The following SLC4A10 variants were observed in gnomAD, a reference collection of about 807,000 sequenced individuals.
SLC4A10 encodes solute carrier family 4 member 10.
Under a neutral mutation model 137.7 loss-of-function variants are expected in SLC4A10, and 42 were observed. That is an observed-to-expected ratio of 0.30 (90% CI 0.24 to 0.39). The LOEUF (loss-of-function observed/expected upper bound fraction) is 0.39, where lower values mean the gene tolerates loss of function less well. SLC4A10 is among the 10% of genes least tolerant of loss of function. The probability of loss-of-function intolerance (pLI) is 1.00; values close to 1 mark genes in which losing one functional copy is unlikely to be tolerated. For missense variants in SLC4A10, 925 were observed against 1,355.0 expected (o/e 0.68, Z 4.98); for synonymous variants, 474 against 464.1 (o/e 1.02, Z -0.27).
chr2:161,804,747 G>A, intron 3 of SLC4A10, among the ~76,000 whole-genome samples, 152 bp downstream of exon 3: 1 of 152,104 alleles, frequency 6.6e-6, no homozygotes, highest in East Asian at 1.9e-4. Context: ...GAGAGATAAA[G>A]CTTGATCTTT....
intron 16 of SLC4A10, among the ~76,000 whole-genome samples, chr2:161,944,367 A>G (rs528543047): frequency 6.6e-6 from 1 of 151,916 alleles, no homozygotes; most frequent in East Asian, 1.9e-4. Context: ...ATAACATGAT[A>G]ATTTACTCTA....
At chr2:161,915,246 C>G (rs749081533) in intron 15 of SLC4A10, among the ~76,000 whole-genome samples, 2 of 152,046 alleles carry the variant, frequency 1.3e-5, no homozygotes, top group Non-Finnish European at 2.9e-5. Flanking sequence ...GCAACCTGCC[C>G]TTCCTGTCCC....
intron 1 of SLC4A10, among the ~76,000 whole-genome samples, chr2:161,688,614 T>G (rs2124897374): frequency 6.6e-6 from 1 of 152,322 alleles, no homozygotes; most frequent in East Asian, 1.9e-4. Context: ...CTAAAGAATA[T>G]TATTTTTATT....
At chr2:161,741,012 GCTCACA>G (rs1368536536) in intron 1 of SLC4A10, among the ~76,000 whole-genome samples, 1 of 151,970 alleles carries the variant, frequency 6.6e-6, no homozygotes, top group Non-Finnish European at 1.5e-5. Flanking sequence ...AGGTACAATG[GCTCACA>G]CCTGTAATCC....
At chr2:161,787,739 T>G (rs2053784761) in intron 2 of SLC4A10, among the ~76,000 whole-genome samples, 1 of 152,202 alleles carries the variant, frequency 6.6e-6, no homozygotes, top group South Asian at 2.1e-4. Flanking sequence ...ACATTGAAAT[T>G]ACTTTTGTGA....
At chr2:161,680,670 A>G (rs959690983) in intron 1 of SLC4A10, among the ~76,000 whole-genome samples, 7 of 152,076 alleles carry the variant, frequency 4.6e-5, no homozygotes, top group Non-Finnish European at 1.0e-4. Flanking sequence ...ATATTATTTG[A>G]TTTATTATTT....
At position 161,657,816 on chromosome 2, in the gene SLC4A10, C is replaced by CGGGA. The variant is rs561517772; in HGVS notation, c.48+33253_48+33256dup. Reference sequence around the variant, plus strand: ...TTAAAATAACAATCTACAGAAAATACGGGAGGAGTAGAAAATATGGATGAA... The same window carrying CGGGA: ...TTAAAATAACAATCTACAGAAAATACGGGAGGGAGGAGTAGAAAATATGGATGAA... On this transcript the variant is annotated intron_variant, in intron 1 of 26. Coordinates refer to ENST00000446997, the MANE Select transcript of SLC4A10 (RefSeq NM_001178015.2). Among the ~76,000 whole-genome samples, 228 of 151,818 alleles carry CGGGA rather than the reference C, an allele frequency of 1.5e-3. 1 individual carries two copies. The highest frequency in any genetic ancestry group is 3.1e-3 in the Admixed American group (48 of 15,264).
chr2:161,908,159 A>G (rs530007591), intron 15 of SLC4A10, among the ~76,000 whole-genome samples: 1 of 152,234 alleles, frequency 6.6e-6, no homozygotes, highest in South Asian at 2.1e-4. Context: ...AATAAGAAAG[A>G]AGCATCAGAA....
At chr2:161,908,704 A>G (rs924308054) in intron 15 of SLC4A10, among the ~76,000 whole-genome samples, 3 of 150,652 alleles carry the variant, frequency 2.0e-5, no homozygotes, top group African/African-American at 7.5e-5. Context: ...AGAAAGCTGC[A>G]TAGGCCAGTT....
intron 11 of SLC4A10, among the ~76,000 whole-genome samples, chr2:161,895,385 G>A (rs1358719336): frequency 6.6e-6 from 1 of 152,068 alleles, no homozygotes; most frequent in Admixed American, 6.6e-5. Context: ...ATGTGCATGT[G>A]TCTTTATGGC....
chr2:161,712,349 A>G (rs966190410), intron 1 of SLC4A10, among the ~76,000 whole-genome samples: 1 of 151,770 alleles, frequency 6.6e-6, no homozygotes, highest in Admixed American at 6.6e-5. Flanking sequence ...ACAGCAACTT[A>G]AGGTCTTTCT....
intron 3 of SLC4A10, among the ~76,000 whole-genome samples, chr2:161,828,725 G>A (rs1408732457): frequency 1.6e-5 from 2 of 128,992 alleles, no homozygotes; most frequent in Non-Finnish European, 3.2e-5. Context: ...AATGCTTCAG[G>A]TTCGGCTGGA....
At chr2:161,902,423 T>C (rs1176305339) in intron 12 of SLC4A10, among the ~76,000 whole-genome samples, 1 of 152,158 alleles carries the variant, frequency 6.6e-6, no homozygotes, top group Non-Finnish European at 1.5e-5. Flanking sequence ...AAATCTGTTT[T>C]GAATTGTGAC....
At chr2:161,683,761 C>T (rs2041110425) in intron 1 of SLC4A10, among the ~76,000 whole-genome samples, 1 of 152,084 alleles carries the variant, frequency 6.6e-6, no homozygotes, top group Admixed American at 6.6e-5. Flanking sequence ...CATTTTGTAA[C>T]ATCTTTAGCA....
At chr2:161,855,701 A>G (rs1243566318) in intron 5 of SLC4A10, among the ~76,000 whole-genome samples, 2 of 152,100 alleles carry the variant, frequency 1.3e-5, no homozygotes, top group Non-Finnish European at 2.9e-5. Context: ...AGGAAATGTT[A>G]TTATTACAGA....
At chr2:161,625,112 T>C (rs2032037538) in intron 1 of SLC4A10, among the ~76,000 whole-genome samples, 1 of 143,272 alleles carries the variant, frequency 7.0e-6, no homozygotes, top group South Asian at 2.3e-4. Flanking sequence ...TGTGTGTGTG[T>C]TCTGTCTCTT....
chr2:161,947,387 T>C (rs1341447034), intron 16 of SLC4A10, among the ~76,000 whole-genome samples, 179 bp from the exon 17 acceptor site: 1 of 152,146 alleles, frequency 6.6e-6, no homozygotes, highest in Non-Finnish European at 1.5e-5. Flanking sequence ...TGCATATTTC[T>C]CACCACCCAT....
intron 1 of SLC4A10, among the ~76,000 whole-genome samples, chr2:161,647,430 C>T (rs1224488009): frequency 6.6e-6 from 1 of 151,932 alleles, no homozygotes; most frequent in Non-Finnish European, 1.5e-5. Context: ...CTGCATGCAA[C>T]TATAATGATA....
In SLC4A10 at chr2:161,731,459, G is replaced by GGAA. The variant is rs1457327305; in HGVS notation, c.49-39512_49-39510dup. ...ATTTTAAACATTAGACACAAGAATT[G>GGAA]GAAGTAGTTACTTTTAGGGAGGAAG... On this transcript the variant is annotated intron_variant, in intron 1 of 26. Coordinates refer to ENST00000446997, the MANE Select transcript of SLC4A10 (RefSeq NM_001178015.2). Among the ~76,000 whole-genome samples, 3 of 152,150 alleles carry GGAA rather than the reference G, an allele frequency of 2.0e-5. No individual in the cohort carries two copies. In the East Asian group the frequency reaches 5.8e-4, roughly 29 times the overall value.
Sources: allele counts gnomAD v4.1 joint callset (sites outside exome capture counted in the v4.1 genomes callset), GRCh38; gene constraint gnomAD v4.1.1; transcripts MANE v1.5; gene names NCBI Gene and HGNC (gene_info 2026-07-23, HGNC 2026-07-21).